Variants in NYNRIN observed in about 807,000 individuals in gnomAD.
NYNRIN encodes NYN domain and retroviral integrase containing, also known as protein NYNRIN.
Under a neutral mutation model 146.6 loss-of-function variants are expected in NYNRIN, and 86 were observed. The ratio of observed to expected loss-of-function variants is 0.59; its 90% CI spans 0.49 to 0.70. The LOEUF is 0.70. NYNRIN is among the 30% of genes least tolerant of loss of function. The pLI, the probability that NYNRIN is intolerant of heterozygous loss-of-function variation, is 0.00. For synonymous variants in NYNRIN, 1,027 were observed against 1,001.3 expected (o/e 1.03, Z -0.48); for missense variants, 2,191 against 2,377.7 (o/e 0.92, Z 1.63).
chr14:24,418,445 C>A lies in NYNRIN; in HGVS notation c.*999C>A. On this transcript the variant is annotated 3_prime_UTR_variant, in exon 9 of 9. Transcript: ENST00000382554. ...ACTGTATCCTGCATCCCAGACCCTA[C>A]AGATTGTGTGATTGCTTCATCTGTA... 2.8e-6 allele frequency: 1 copy of A among 353,714 alleles called. No individual in the cohort carries two copies. The highest frequency in any genetic ancestry group is 5.6e-6 in the Non-Finnish European group (1 of 178,276). 21.9% of individuals were successfully genotyped at this position (353,714 alleles called of 1,614,324 possible). A position where few individuals can be genotyped will look rare whatever the true frequency, so the allele number is the denominator to read the frequency against.
chr14:24,416,346 G>A lies in NYNRIN; in HGVS notation c.4597G>A (p.Val1533Ile). ...LMFKGDKKPR[V>I]WVVPTQLRRD... ...GTTCAAGGGAGATAAGAAGCCCAGG[G>A]TCTGGGTAGTCCCGACGCAACTCCG... The change falls in exon 9 of 9, where the codon GTC becomes ATC. Residue 1533 changes from valine (V) to isoleucine (I), a missense_variant. Transcript: ENST00000382554. 6.2e-7 allele frequency: 1 copy of A among 1,613,590 alleles called. No homozygotes were observed. The highest frequency in any genetic ancestry group is 1.1e-5 in the South Asian group (1 of 90,990).
rs369735094 is a variant in NYNRIN at position 24,415,901 on chromosome 14, C to A, written c.4152C>A (p.Leu1384=). Reference sequence around the variant, plus strand: ...CTCACTGCAACTGGATCTTCAGCCTCCTGTGGGAGCTCCTGCCCCTCTGGA... The same window carrying A: ...CTCACTGCAACTGGATCTTCAGCCTACTGTGGGAGCTCCTGCCCCTCTGGA... ...FLTHCNWIFS[L]LWELLPLWRA... Residue 1384 remains leucine (L), a synonymous_variant, in exon 9 of 9, where the codon CTC becomes CTA. Transcript: ENST00000382554. 118 of 1,613,902 alleles carry A rather than the reference C, an allele frequency of 7.3e-5. No individual in the cohort carries two copies. The highest frequency in any genetic ancestry group is 9.7e-5 in the Non-Finnish European group (115 of 1,179,902).
At chr14:24,404,921 CTCGACTCCTAAGACCTTGT>C (rs2042866978) in intron 2 of NYNRIN, among the ~76,000 whole-genome samples, 1 of 152,040 alleles carries the variant, frequency 6.6e-6, no homozygotes, top group Non-Finnish European at 1.5e-5. Flanking sequence ...GCTGATCAAC[CTCGACTCCTAAGACCTTGT>C]TTTGTACTCC....
chr14:24,405,038 GTGTGTGTGAA>G (rs564689682), intron 2 of NYNRIN, among the ~76,000 whole-genome samples: 21,076 of 148,856 alleles, frequency 0.14, 1,660 homozygotes, highest in African/African-American at 0.21. Context: ...GAGAGAATGT[GTGTGTGTGAA>G]TGTGTGTGAA....
rs778392334 is a variant in NYNRIN at position 24,409,459 on chromosome 14, T to C, written c.1665T>C (p.Ala555=). The C allele has an allele frequency of 1.2e-6, 2 of 1,613,958 alleles. No homozygotes were observed. Among genetic ancestry groups the C allele is most frequent in the Non-Finnish European group, 1.7e-6 (2 of 1,179,886 alleles). The change falls in exon 4 of 9, where the codon GCT becomes GCC. Residue 555 remains alanine, a synonymous_variant. Coordinates refer to ENST00000382554, the MANE Select transcript of NYNRIN (RefSeq NM_025081.3). ...CCATGGCTGCAGCAGTGCCCAAAGC[T>C]GAAAATCCCTCCAGAACTCAAGTGC... ...KVPMAAAVPK[A]ENPSRTQVPS... is the part of the protein sequence containing the mutation.
chr14:24,415,804 A>G lies in NYNRIN; in HGVS notation c.4055A>G (p.Tyr1352Cys). The G allele has an allele frequency of 6.2e-7, 1 of 1,613,594 alleles. No homozygotes were observed. Among genetic ancestry groups the G allele is most frequent in the Non-Finnish European group, 8.5e-7 (1 of 1,179,786 alleles). Residue 1352 changes from tyrosine (Y) to cysteine (C), a missense_variant, in exon 9 of 9, where the codon TAT becomes TGT. Around this residue, in one of 3 missense-constraint regions of NYNRIN, gnomAD observed 1,291 missense variants for 1,417.0 expected, o/e 0.91. Transcript: ENST00000382554. ...SFSCSPYTPT[Y>C]AHLAAVACGL... The stretch of plus-strand genomic sequence containing the variant: ...TCCTGCTCCCCTTACACGCCAACCT[A>G]TGCCCACCTGGCAGCCGTGGCCTGC...
Position 24,416,081 on chromosome 14 carries a change from G to C in NYNRIN, c.4332G>C (p.Leu1444=). 6.2e-7 allele frequency: 1 copy of C among 1,613,990 alleles called. No homozygotes were observed. The highest frequency in any genetic ancestry group is 8.5e-7 in the Non-Finnish European group (1 of 1,179,862). The change falls in exon 9 of 9, where the codon CTG becomes CTC. Residue 1444 remains leucine, a synonymous_variant. Transcript: ENST00000382554. ...GSLFAVTVDT[L]AKQGAQGGGQ... ...TGTTTGCTGTGACAGTGGACACCCT[G>C]GCCAAGCAGGGTGCCCAGGGGGGTG...
At chr14:24,406,809 C>T (rs1397683155) in intron 2 of NYNRIN, among the ~76,000 whole-genome samples, 1 of 152,214 alleles carries the variant, frequency 6.6e-6, no homozygotes, top group African/African-American at 2.4e-5. Context: ...CTGATTGGAG[C>T]GAGAGCTCAT....
intron 4 of NYNRIN, 59 bp downstream of exon 4, chr14:24,410,267 C>A: frequency 1.4e-6 from 2 of 1,384,638 alleles, no homozygotes; most frequent in African/African-American, 1.4e-5. Context: ...GCAGGGCATC[C>A]CTGGGGGACA....
intron 2 of NYNRIN, among the ~76,000 whole-genome samples, chr14:24,406,258 C>T (rs922688082): frequency 9.1e-5 from 8 of 87,464 alleles, no homozygotes; most frequent in African/African-American, 2.6e-4. Flanking sequence ...AAATATTGGA[C>T]AGTTGATGGA....
intron 2 of NYNRIN, among the ~76,000 whole-genome samples, chr14:24,405,020 G>GTGAGAA (rs1566483298): frequency 8.6e-5 from 2 of 23,348 alleles, no homozygotes; most frequent in Non-Finnish European, 1.6e-4. Flanking sequence ...GTGTGTGTGT[G>GTGAGAA]TGTGTGTGAG....
At position 24,415,273 on chromosome 14, in the gene NYNRIN, T is replaced by A. The variant is rs1165717119; in HGVS notation, c.3524T>A (p.Leu1175His). 1 of 1,613,798 alleles carries A rather than the reference T, an allele frequency of 6.2e-7. No homozygotes were observed. The highest frequency in any genetic ancestry group is 2.2e-5 in the East Asian group (1 of 44,846). The change falls in exon 9 of 9, where the codon CTC becomes CAC. Residue 1175 changes from leucine (L) to histidine (H), a missense_variant. Leu to His is a moderately conservative substitution (Grantham distance 99, BLOSUM62 -3). Around this residue, in one of 3 missense-constraint regions of NYNRIN, gnomAD observed 1,291 missense variants for 1,417.0 expected, o/e 0.91. Transcript: ENST00000382554. ...AGCCACGTGGCCCTGACGGCCATCCTCCATCAGGAGCACTCAGGGAGGAAG... is the reference window on the plus strand; with the variant it reads ...AGCCACGTGGCCCTGACGGCCATCCACCATCAGGAGCACTCAGGGAGGAAG... ...TVSHVALTAI[L>H]HQEHSGRKHP...
chr14:24,412,983 C>T lies in NYNRIN; in HGVS notation c.2643-14C>T. 1 of 1,566,712 alleles carries T rather than the reference C, an allele frequency of 6.4e-7. No homozygotes were observed. The highest frequency in any genetic ancestry group is 1.2e-5 in the South Asian group (1 of 85,462). On this transcript the variant is annotated splice_polypyrimidine_tract_variant and intron_variant, in intron 6 of 8. Transcript: ENST00000382554. ...TAGTTACTGGGTCATTAGTGACTTCCCCTCTCCCTGCAGGTTCATGGTAAA... is the reference window on the plus strand; with the variant it reads ...TAGTTACTGGGTCATTAGTGACTTCTCCTCTCCCTGCAGGTTCATGGTAAA...
rs1162723295 is a variant in NYNRIN at position 24,416,136 on chromosome 14, C to T, written c.4387C>T (p.Pro1463Ser). The change falls in exon 9 of 9, where the codon CCA becomes TCA. Residue 1463 changes from proline to serine, a missense_variant. By Grantham distance (74) the Pro-to-Ser change is moderately conservative. Coordinates refer to ENST00000382554, the MANE Select transcript of NYNRIN (RefSeq NM_025081.3). ...GTGGTGGAGTTTGCCAAAGGATGTG[C>T]CAGCCCCTACAGTGAGTCCCCATGC... ...GQWWSLPKDV[P>S]APTVSPHAMG... is the part of the protein sequence containing the mutation. 1 of 1,613,966 alleles carries T rather than the reference C, an allele frequency of 6.2e-7. No homozygotes were observed. Among genetic ancestry groups the T allele is most frequent in the Non-Finnish European group, 8.5e-7 (1 of 1,179,876 alleles).
chr14:24,411,753 C>T lies in NYNRIN; in HGVS notation c.2642+303C>T, dbSNP rs2042914300. ...ACCTGTGAACATCAGAGAGGTTCCC[C>T]AGGGTTTTGGGTGCCCGTTTCGGTT... On this transcript the variant is annotated intron_variant, in intron 6 of 8. Transcript: ENST00000382554. The surrounding 1 kb of genome is among the most constrained non-coding windows in gnomAD (Gnocchi z 4.3). Among the ~76,000 whole-genome samples, 1 of 152,158 alleles carries T rather than the reference C, an allele frequency of 6.6e-6. No individual in the cohort carries two copies. The highest frequency in any genetic ancestry group is 2.1e-4 in the South Asian group (1 of 4,824).
intron 2 of NYNRIN, among the ~76,000 whole-genome samples, chr14:24,405,959 C>T (rs901150126): frequency 2.6e-5 from 4 of 151,826 alleles, no homozygotes; most frequent in East Asian, 1.9e-4. Context: ...GTCAAGAGTT[C>T]GAGACCAGCC....
Position 24,408,333 on chromosome 14 carries a change from A to T in NYNRIN, c.663A>T (p.Leu221=). The change falls in exon 3 of 9, where the codon CTA becomes CTT. Residue 221 remains leucine, a synonymous_variant. Coordinates refer to ENST00000382554, the MANE Select transcript of NYNRIN (RefSeq NM_025081.3). Reference sequence around the variant, plus strand: ...ACTCCCACTCCGATCCGGAGGTTCTAATCTGCCCTCCCCAGCAGCAGAAGG... The same window carrying T: ...ACTCCCACTCCGATCCGGAGGTTCTTATCTGCCCTCCCCAGCAGCAGAAGG... ...ISDSHSDPEV[L]ICPPQQQKEA... is the part of the protein sequence containing the mutation. 6.2e-7 allele frequency: 1 copy of T among 1,613,762 alleles called. No individual in the cohort carries two copies. Among genetic ancestry groups the T allele is most frequent in the Non-Finnish European group, 8.5e-7 (1 of 1,179,882 alleles).
At position 24,413,363 on chromosome 14, in the gene NYNRIN, A is replaced by G; in HGVS notation, c.2792A>G (p.Asp931Gly). 1 of 1,613,010 alleles carries G rather than the reference A, an allele frequency of 6.2e-7. No homozygotes were observed. The highest frequency in any genetic ancestry group is 8.5e-7 in the Non-Finnish European group (1 of 1,179,596). The stretch of plus-strand genomic sequence containing the variant: ...GGGAATCTCTTCATGGTGCCTGATG[A>G]CCCCCTGGGCCGTGATGGCCCCACC... Reference protein sequence around the residue: ...FAGNLFMVPDDPLGRDGPTLD... With the variant: ...FAGNLFMVPDGPLGRDGPTLD... Residue 931 changes from aspartate to glycine, a missense_variant, in exon 8 of 9, where the codon GAC becomes GGC. This residue lies in a region of NYNRIN where 1,291 missense variants were observed against 1,417.0 expected (regional missense o/e 0.91). Transcript: ENST00000382554.
At chr14:24,400,546 T>C (rs1041825067) in intron 2 of NYNRIN, among the ~76,000 whole-genome samples, 11 of 152,140 alleles carry the variant, frequency 7.2e-5, no homozygotes, top group Admixed American at 5.2e-4. Flanking sequence ...AGTTCCTCCC[T>C]CAACCCCTCT....
Sources: gnomAD v4.1 joint callset for allele counts (sites outside exome capture counted in the v4.1 genomes callset) on GRCh38, gnomAD v4.1.1 for gene constraint, gnomAD v4.1.1 regional missense constraint, Gnocchi (gnomAD v3.1) non-coding constraint, MANE v1.5 for transcripts, NCBI Gene and HGNC (gene_info 2026-07-23, HGNC 2026-07-21) for gene names.